HPSE2: variants seen among roughly 807,000 people sequenced by gnomAD.
HPSE2 encodes inactive heparanase-2.
In HPSE2, 38 loss-of-function variants were observed where a neutral mutation model predicts 60.5. The ratio of observed to expected loss-of-function variants is 0.63; its 90% CI spans 0.48 to 0.82. The LOEUF is 0.82. HPSE2 is among the 40% of genes least tolerant of loss of function. HPSE2 has a pLI of 0.00. For synonymous variants in HPSE2, 295 were observed against 293.2 expected (o/e 1.01, Z -0.06); for missense variants, 713 against 740.4 (o/e 0.96, Z 0.43).
At chr10:98,521,259 T>A (rs1464526926) in intron 9 of HPSE2, among the ~76,000 whole-genome samples, 2 of 152,038 alleles carry the variant, frequency 1.3e-5, no homozygotes, top group Admixed American at 1.3e-4. Flanking sequence ...AGGGCTAATA[T>A]CCAGAATCTA....
chr10:99,087,273 T>C (rs972176917), intron 3 of HPSE2, among the ~76,000 whole-genome samples: 6 of 152,232 alleles, frequency 3.9e-5, no homozygotes, highest in African/African-American at 1.2e-4. Context: ...TTTGTCAGTG[T>C]TGACATTACC....
chr10:99,004,517 A>G (rs985296104), intron 3 of HPSE2, among the ~76,000 whole-genome samples: 1 of 152,022 alleles, frequency 6.6e-6, no homozygotes, highest in African/African-American at 2.4e-5. Context: ...GATTGCATTA[A>G]AAAAAACTAA....
chr10:98,935,950 T>C (rs1954776188), intron 3 of HPSE2, among the ~76,000 whole-genome samples: 1 of 144,926 alleles, frequency 6.9e-6, no homozygotes, highest in Non-Finnish European at 1.5e-5. Context: ...ATGTGAGTTC[T>C]GTCTGTAAGC....
chr10:99,137,872 A>G (rs1295438735), intron 3 of HPSE2, among the ~76,000 whole-genome samples: 3 of 152,204 alleles, frequency 2.0e-5, no homozygotes, highest in African/African-American at 4.8e-5. Context: ...ACTGGCAACA[A>G]AAACCAAAAT....
chr10:99,102,288 G>C (rs1327758605), intron 3 of HPSE2, among the ~76,000 whole-genome samples: 2 of 152,074 alleles, frequency 1.3e-5, no homozygotes. Flanking sequence ...AATAAAAAAT[G>C]ATAAAGGGGA....
At position 98,995,094 on chromosome 10, in the gene HPSE2, C is replaced by T. The variant is rs143388504; in HGVS notation, c.610+149144G>A. ...CTGTTCCTGGCTGAGGAAGGTGCTTCGAACCCTCTCCTTACTTGCTTCTGG... is the reference window on the plus strand; with the variant it reads ...CTGTTCCTGGCTGAGGAAGGTGCTTTGAACCCTCTCCTTACTTGCTTCTGG... On this transcript the variant is annotated intron_variant, in intron 3 of 11. Transcript: ENST00000370552. Among the ~76,000 whole-genome samples the T allele has an allele frequency of 3.4e-4, 52 of 152,278 alleles. 1 individual carries two copies. Among genetic ancestry groups the T allele is most frequent in the Middle Eastern group, 3.4e-3 (1 of 294 alleles).
At chr10:98,772,395 G>A (rs1207267128) in intron 3 of HPSE2, among the ~76,000 whole-genome samples, 4 of 152,138 alleles carry the variant, frequency 2.6e-5, no homozygotes, top group Non-Finnish European at 5.9e-5. Context: ...CCCTGGTCCC[G>A]AGCCAATTTG....
chr10:99,024,889 G>C (rs1339042568), intron 3 of HPSE2, among the ~76,000 whole-genome samples: 1 of 152,028 alleles, frequency 6.6e-6, no homozygotes, highest in Non-Finnish European at 1.5e-5. Context: ...TTTCACCAAT[G>C]CCAGGCCTAT....
intron 9 of HPSE2, among the ~76,000 whole-genome samples, chr10:98,573,390 G>A (rs1944553965): frequency 6.6e-6 from 1 of 152,110 alleles, no homozygotes; most frequent in African/African-American, 2.4e-5. Context: ...CTTGCATATA[G>A]AACATGTTTC....
At chr10:98,820,059 C>T (rs10883211) in intron 3 of HPSE2, among the ~76,000 whole-genome samples, 5,752 of 152,086 alleles carry the variant, frequency 0.038, 236 homozygotes, top group East Asian at 0.17. Context: ...AAAAAGCATT[C>T]ATGTGGACAC....
At chr10:98,664,108 G>C (rs1396204186) in intron 6 of HPSE2, among the ~76,000 whole-genome samples, 1 of 152,052 alleles carries the variant, frequency 6.6e-6, no homozygotes, top group African/African-American at 2.4e-5. Flanking sequence ...TTGTTACCCT[G>C]GTAGGCACCC....
intron 3 of HPSE2, among the ~76,000 whole-genome samples, chr10:99,119,102 A>AGGGAGGGAGGGG: frequency 1.6e-5 from 1 of 63,094 alleles, no homozygotes; most frequent in Non-Finnish European, 3.2e-5. Flanking sequence ...AGAGAGAGGG[A>AGGGAGGGAGGGG]GGGAGGGAGG....
At chr10:99,140,498 A>G (rs1845829815) in intron 3 of HPSE2, among the ~76,000 whole-genome samples, 1 of 152,246 alleles carries the variant, frequency 6.6e-6, no homozygotes, top group Non-Finnish European at 1.5e-5. Flanking sequence ...TATGCTTTAC[A>G]TGCAATCCAG....
At chr10:98,612,794 G>T (rs934343650) in intron 9 of HPSE2, among the ~76,000 whole-genome samples, 13 of 152,190 alleles carry the variant, frequency 8.5e-5, no homozygotes, top group Non-Finnish European at 4.4e-5. Flanking sequence ...TGTTTAAAAT[G>T]TAAGTTAGAT....
the HPSE2 span, among the ~76,000 whole-genome samples, chr10:99,298,963 G>A: frequency 6.6e-6 from 1 of 152,162 alleles, no homozygotes; most frequent in Non-Finnish European, 1.5e-5. Context: ...GTGAGCCACT[G>A]TGCCCAGCCT....
rs59437000 is a variant in HPSE2 at position 99,232,214 on chromosome 10, T to TACACACAC, written c.448+126_448+133dup. ...ATCTGCCCCAACGCGCGCGCGCGCA[T>TACACACAC]ACACACACACACACACACACACACA... On this transcript the variant is annotated intron_variant, in intron 2 of 11. Transcript: ENST00000370552. The TACACACAC allele has an allele frequency of 4.7e-3, 4,234 of 897,516 alleles. 24 individuals are homozygous for TACACACAC. Among genetic ancestry groups the TACACACAC allele is most frequent in the African/African-American group, 0.018 (1,009 of 54,960 alleles). The allele number at this position is 897,516 out of a possible 1,614,324, so 55.6% of individuals were successfully genotyped here.
At chr10:98,734,483 G>A (rs188365314) in intron 4 of HPSE2, among the ~76,000 whole-genome samples, 2 of 152,108 alleles carry the variant, frequency 1.3e-5, no homozygotes, top group African/African-American at 4.8e-5. Flanking sequence ...GTGTGTGAAG[G>A]TTTCAGTTTC....
In HPSE2 at chr10:99,157,017, T is replaced by A. The variant is rs1315295670; in HGVS notation, c.449-12618A>T. On this transcript the variant is annotated intron_variant, in intron 2 of 11. Transcript: ENST00000370552. ...CCATTCACAATTGCTTCAAAGAGAA[T>A]AAAATACCTAGGAATCCAACTTACA... 2.4e-5 allele frequency among the ~76,000 whole-genome samples: 3 copies of A among 124,138 alleles called. No homozygotes were observed. The Admixed American group carries it at 2.7e-4, about 11-fold the overall frequency. The allele number at this position is 124,138 out of a possible 152,430, so 81.4% of individuals were successfully genotyped here. A position where few individuals can be genotyped will look rare whatever the true frequency, so the allele number is the denominator to read the frequency against.
chr10:98,710,845 A>T (rs1201720093), intron 5 of HPSE2, among the ~76,000 whole-genome samples: 2 of 151,924 alleles, frequency 1.3e-5, no homozygotes, highest in Admixed American at 1.3e-4. Context: ...AGAGCTCAAT[A>T]CTCCCTCATT....
Sources: gnomAD v4.1 joint callset for allele counts (sites outside exome capture counted in the v4.1 genomes callset) on GRCh38, gnomAD v4.1.1 for gene constraint, MANE v1.5 for transcripts, NCBI Gene and HGNC (gene_info 2026-07-23, HGNC 2026-07-21) for gene names.